The following FGF12 variants were observed in gnomAD, a reference collection of about 807,000 sequenced individuals.
The protein encoded by FGF12 is fibroblast growth factor 12B.
In FGF12, 14 loss-of-function variants were observed where a neutral mutation model predicts 23.6. The ratio of observed to expected loss-of-function variants is 0.59; its 90% CI spans 0.39 to 0.93. The LOEUF is 0.93. Ranked by LOEUF, FGF12 falls within the 40% of genes least tolerant of loss-of-function variation. The pLI is 0.00. For missense variants in FGF12, 175 were observed against 217.8 expected (o/e 0.80, Z 1.24); for synonymous variants, 62 against 77.3 (o/e 0.80, Z 1.04).
chr3:192,455,970 T>C (rs928803816), intron 2 of FGF12, among the ~76,000 whole-genome samples: 2 of 152,282 alleles, frequency 1.3e-5, no homozygotes, highest in South Asian at 2.1e-4. Flanking sequence ...AGTGGGGCCT[T>C]GCAGAGGTGG....
At chr3:192,332,777 C>T (rs1717190761) in intron 4 of FGF12, among the ~76,000 whole-genome samples, 1 of 152,126 alleles carries the variant, frequency 6.6e-6, no homozygotes, top group African/African-American at 2.4e-5. Context: ...ACTCTCCTCT[C>T]TCTCCATAAA....
intron 2 of FGF12, among the ~76,000 whole-genome samples, chr3:192,391,077 A>C (rs1424203295): frequency 6.6e-6 from 1 of 152,214 alleles, no homozygotes; most frequent in African/African-American, 2.4e-5. Context: ...AAATGAGTTT[A>C]TCCAAGGAGA....
intron 5 of FGF12, among the ~76,000 whole-genome samples, chr3:192,163,373 T>C (rs116673714): frequency 0.017 from 2,517 of 152,266 alleles, 70 homozygotes; most frequent in African/African-American, 0.057. Flanking sequence ...AAAACATACC[T>C]GTCTTGATAG....
intron 2 of FGF12, among the ~76,000 whole-genome samples, chr3:192,363,403 G>A (rs2108735999): frequency 6.6e-6 from 1 of 152,230 alleles, no homozygotes; most frequent in East Asian, 1.9e-4. Context: ...GGAGCCCTGG[G>A]AATTCGGGTT....
intron 2 of FGF12, among the ~76,000 whole-genome samples, chr3:192,473,874 T>C (rs1723242045): frequency 6.6e-6 from 1 of 152,198 alleles, no homozygotes; most frequent in South Asian, 2.1e-4. Flanking sequence ...ACCATGAGAA[T>C]ATCATGTCTC....
At chr3:192,321,021 G>A (rs2108681846) in intron 4 of FGF12, among the ~76,000 whole-genome samples, 1 of 152,046 alleles carries the variant, frequency 6.6e-6, no homozygotes. Context: ...ATAAAATGTT[G>A]GTTTTTTGAA....
At chr3:192,557,160 A>T (rs927171878) in intron 2 of FGF12, among the ~76,000 whole-genome samples, 1 of 151,966 alleles carries the variant, frequency 6.6e-6, no homozygotes, top group Admixed American at 6.6e-5. Context: ...AAAGAAGAAC[A>T]AATTAAGCCC....
chr3:192,383,622 C>A (rs974788875), intron 2 of FGF12, among the ~76,000 whole-genome samples: 2 of 150,662 alleles, frequency 1.3e-5, no homozygotes, highest in Non-Finnish European at 3.0e-5. Context: ...TATTCTTGGA[C>A]AAAGGTAGAT....
intron 2 of FGF12, among the ~76,000 whole-genome samples, chr3:192,463,759 G>A (rs887277078): frequency 2.0e-5 from 3 of 152,158 alleles, no homozygotes; most frequent in African/African-American, 7.2e-5. Context: ...CTTGTGGGTA[G>A]GATTTAGTCC....
chr3:192,687,229 A>C (rs1717781026), intron 2 of FGF12, among the ~76,000 whole-genome samples: 1 of 151,506 alleles, frequency 6.6e-6, no homozygotes, highest in Non-Finnish European at 1.5e-5. Context: ...AAACATATAC[A>C]CAGGGGTATT....
At chr3:192,510,171 G>A (rs2108838920) in intron 2 of FGF12, among the ~76,000 whole-genome samples, 1 of 152,234 alleles carries the variant, frequency 6.6e-6, no homozygotes, top group East Asian at 1.9e-4. Flanking sequence ...GTCTGAGCAA[G>A]TCATACGGCC....
rs533697748 is a variant in FGF12, at chr3:192,727,150, G to A, written c.13+31C>T. 137 of 1,569,936 alleles carry A rather than the reference G, an allele frequency of 8.7e-5. No individual in the cohort carries two copies. The South Asian group carries it at 1.3e-3, about 15-fold the overall frequency. ...TGCCTTGGCCACACGCACATGCAGC[G>A]GGAAGTCCCCCGATAGGGACAACCA... On this transcript the variant is annotated intron_variant, in intron 2 of 5. Coordinates refer to ENST00000445105, the MANE Select transcript of FGF12 (RefSeq NM_004113.6).
intron 2 of FGF12, among the ~76,000 whole-genome samples, chr3:192,625,930 G>A (rs1231104334): frequency 1.3e-5 from 2 of 152,158 alleles, no homozygotes; most frequent in Admixed American, 6.5e-5. Context: ...AAAGTAAATT[G>A]ATAGCTAGCT....
At chr3:192,285,620 C>T (rs1714405266) in intron 4 of FGF12, among the ~76,000 whole-genome samples, 1 of 151,978 alleles carries the variant, frequency 6.6e-6, no homozygotes, top group Admixed American at 6.6e-5. Flanking sequence ...GCTCTCGTTT[C>T]ACTTTCTACC....
At chr3:192,658,526 C>T (rs1243962940) in intron 2 of FGF12, among the ~76,000 whole-genome samples, 1 of 152,170 alleles carries the variant, frequency 6.6e-6, no homozygotes, top group Non-Finnish European at 1.5e-5. Context: ...TTGGAGCGTG[C>T]TAACCAGTAA....
chr3:192,602,723 A>C (rs75503765), intron 2 of FGF12, among the ~76,000 whole-genome samples: 23,265 of 83,670 alleles, frequency 0.28, 1,813 homozygotes, highest in Middle Eastern at 0.34. Context: ...ACAAAGGCCC[A>C]AAAAAAAAAA....
intron 4 of FGF12, among the ~76,000 whole-genome samples, chr3:192,208,910 C>T (rs1243991027): frequency 2.0e-5 from 3 of 152,176 alleles, no homozygotes; most frequent in African/African-American, 7.2e-5. Context: ...CCTTGTAGTA[C>T]CTTCAGTTGA....
At chr3:192,638,349 AG>A (rs1715660923) in intron 2 of FGF12, among the ~76,000 whole-genome samples, 1 of 152,210 alleles carries the variant, frequency 6.6e-6, no homozygotes, top group Non-Finnish European at 1.5e-5. Context: ...AGTTGGAAAA[AG>A]ATTCTTTCTT....
At chr3:192,464,133 TGTTGCTGTTTTTA>T (rs1722939738) in intron 2 of FGF12, among the ~76,000 whole-genome samples, 1 of 152,184 alleles carries the variant, frequency 6.6e-6, no homozygotes, top group South Asian at 2.1e-4. Flanking sequence ...TTGTTGCTGC[TGTTGCTGTTTTTA>T]GTTTCAGTAG....
Sources: gnomAD v4.1 joint callset for allele counts (sites outside exome capture counted in the v4.1 genomes callset) on GRCh38, gnomAD v4.1.1 for gene constraint, MANE v1.5 for transcripts, NCBI Gene and HGNC (gene_info 2026-07-23, HGNC 2026-07-21) for gene names.